Variants in LRRC7 observed in about 807,000 individuals in gnomAD.
The protein encoded by LRRC7 is leucine rich repeat containing 7, also known as leucine-rich repeat-containing protein 7.
In LRRC7, 23 loss-of-function variants were observed where a neutral mutation model predicts 175.7. That is an observed-to-expected ratio of 0.13 (90% CI 0.09 to 0.19). The LOEUF is 0.19. Among genes scored for constraint, LRRC7 ranks in the 10% least tolerant of loss-of-function variants. The pLI, the probability that LRRC7 is intolerant of heterozygous loss-of-function variation, is 1.00. For missense variants in LRRC7, 1,354 were observed against 1,904.7 expected (o/e 0.71, Z 5.38); for synonymous variants, 685 against 680.9 (o/e 1.01, Z -0.09).
intron 2 of LRRC7, among the ~76,000 whole-genome samples, chr1:69,736,226 A>G (rs1260347381): frequency 6.6e-6 from 1 of 152,152 alleles, no homozygotes; most frequent in Non-Finnish European, 1.5e-5. Flanking sequence ...TTGAATTCTC[A>G]TAAGATTTGA....
intron 11 of LRRC7, among the ~76,000 whole-genome samples, chr1:70,002,336 G>T (rs139853811): frequency 8.5e-5 from 13 of 152,280 alleles, no homozygotes; most frequent in African/African-American, 2.6e-4. Context: ...GAGATGTGAA[G>T]TGACTTGCCA....
chr1:69,858,207 A>C (rs959562824), intron 7 of LRRC7, among the ~76,000 whole-genome samples: 3 of 152,204 alleles, frequency 2.0e-5, no homozygotes, highest in Non-Finnish European at 4.4e-5. Context: ...ATGGGCAAGG[A>C]CTTCATGTCT....
intron 2 of LRRC7, among the ~76,000 whole-genome samples, chr1:69,691,797 C>CAAAAAA (rs57676937): frequency 6.1e-4 from 52 of 85,168 alleles, no homozygotes; most frequent in East Asian, 7.5e-4. Context: ...GACCCTGTCT[C>CAAAAAA]AAAAAAAAAA....
At chr1:69,863,065 TA>T (rs1346385751) in intron 7 of LRRC7, among the ~76,000 whole-genome samples, 1 of 152,170 alleles carries the variant, frequency 6.6e-6, no homozygotes, top group African/African-American at 2.4e-5. Flanking sequence ...TTAATAGAAA[TA>T]ACATTTTTTA....
chr1:69,663,967 C>T (rs1448758736), intron 1 of LRRC7, among the ~76,000 whole-genome samples: 10 of 151,346 alleles, frequency 6.6e-5, no homozygotes, highest in Admixed American at 3.3e-4. Flanking sequence ...ATGATCCACC[C>T]GCCTCGGCCT....
At chr1:70,108,532 G>T (rs1326840388) in intron 26 of LRRC7, among the ~76,000 whole-genome samples, 1 of 151,992 alleles carries the variant, frequency 6.6e-6, no homozygotes, top group Non-Finnish European at 1.5e-5. Flanking sequence ...TATATAAGAG[G>T]TGCATAATCA....
At chr1:69,802,794 C>A (rs1676670398) in intron 4 of LRRC7, among the ~76,000 whole-genome samples, 1 of 151,228 alleles carries the variant, frequency 6.6e-6, no homozygotes, top group African/African-American at 2.4e-5. Flanking sequence ...TTGTTTCTCT[C>A]AATGTAGTAA....
chr1:69,883,423 T>A (rs953091033), intron 7 of LRRC7, among the ~76,000 whole-genome samples: 1 of 115,572 alleles, frequency 8.7e-6, no homozygotes, highest in African/African-American at 3.3e-5. Context: ...TTTTGAGAAG[T>A]GTCTGTTCAT....
chr1:69,795,083 C>A (rs1053962028), intron 4 of LRRC7, among the ~76,000 whole-genome samples: 4 of 152,072 alleles, frequency 2.6e-5, no homozygotes, highest in Admixed American at 6.5e-5. Context: ...GAAAGCCATA[C>A]CTAAGAAAGC....
At chr1:70,064,786 A>T (rs188622770) in intron 23 of LRRC7, among the ~76,000 whole-genome samples, 8 of 151,996 alleles carry the variant, frequency 5.3e-5, no homozygotes, top group Non-Finnish European at 8.8e-5. Flanking sequence ...AGATTTTGAA[A>T]TGCATCTGTT....
intron 25 of LRRC7, among the ~76,000 whole-genome samples, chr1:70,098,419 G>A (rs1664568435): frequency 6.7e-6 from 1 of 149,356 alleles, no homozygotes; most frequent in Non-Finnish European, 1.5e-5. Flanking sequence ...AACTAGAAAA[G>A]CAAGAGCAAA....
At chr1:69,953,422 G>A (rs1650156824) in intron 8 of LRRC7, among the ~76,000 whole-genome samples, 2 of 151,874 alleles carry the variant, frequency 1.3e-5, no homozygotes, top group African/African-American at 4.8e-5. Flanking sequence ...GATCTGTACT[G>A]CACCCATTAT....
In LRRC7 at chr1:70,137,175, A is replaced by G. The variant is rs965217703; in HGVS notation, c.*15288A>G. Among the ~76,000 whole-genome samples, 1 of 152,214 alleles carries G rather than the reference A, an allele frequency of 6.6e-6. No individual in the cohort carries two copies. Among genetic ancestry groups the G allele is most frequent in the Non-Finnish European group, 1.5e-5 (1 of 68,040 alleles). ...ACTGCAGTATCATCCTGAATAAATCATATCACGGAGAGATAGTCACAGGTT... is the reference window on the plus strand; with the variant it reads ...ACTGCAGTATCATCCTGAATAAATCGTATCACGGAGAGATAGTCACAGGTT... On this transcript the variant is annotated 3_prime_UTR_variant, in exon 27 of 27. Coordinates refer to ENST00000651989, the MANE Select transcript of LRRC7 (RefSeq NM_001370785.2).
chr1:69,868,460 G>A lies in LRRC7; in HGVS notation c.647+30177G>A, dbSNP rs76899172. On this transcript the variant is annotated intron_variant, in intron 7 of 26. Transcript: ENST00000651989. ...GAGTCTAAAGAACTGATAGAGTTGAGTCAGATGAAGAGAGCGGTGTTAGCA... is the reference window on the plus strand; with the variant it reads ...GAGTCTAAAGAACTGATAGAGTTGAATCAGATGAAGAGAGCGGTGTTAGCA... Among the ~76,000 whole-genome samples, 1,220 of 152,228 alleles carry A rather than the reference G, an allele frequency of 8.0e-3. 16 individuals are homozygous for A. Among genetic ancestry groups the A allele is most frequent in the African/African-American group, 0.028 (1,163 of 41,528 alleles).
At chr1:69,715,137 T>C (rs1665201881) in intron 2 of LRRC7, among the ~76,000 whole-genome samples, 4 of 152,146 alleles carry the variant, frequency 2.6e-5, no homozygotes, top group South Asian at 4.1e-4. Flanking sequence ...GCCTTTTGAT[T>C]TCCTTTTTTA....
intron 24 of LRRC7, among the ~76,000 whole-genome samples, chr1:70,086,260 A>G (rs1302551322): frequency 2.0e-5 from 3 of 152,100 alleles, no homozygotes; most frequent in Non-Finnish European, 4.4e-5. Flanking sequence ...AGTGTCTAGG[A>G]CTACAGGTGT....
At chr1:69,969,087 G>C (rs1398274696) in intron 8 of LRRC7, among the ~76,000 whole-genome samples, 2 of 151,888 alleles carry the variant, frequency 1.3e-5, no homozygotes, top group Admixed American at 1.3e-4. Context: ...CAAAGTGCTG[G>C]GATTACAGAT....
At chr1:69,780,233 G>T (rs550132513) in intron 3 of LRRC7, among the ~76,000 whole-genome samples, 1 of 152,112 alleles carries the variant, frequency 6.6e-6, no homozygotes, top group Non-Finnish European at 1.5e-5. Context: ...ACAATTCCAC[G>T]TATTTAAATT....
intron 3 of LRRC7, among the ~76,000 whole-genome samples, chr1:69,763,395 T>C (rs1671253193): frequency 6.6e-6 from 1 of 152,098 alleles, no homozygotes; most frequent in Non-Finnish European, 1.5e-5. Context: ...AAAATATGTC[T>C]CCCCTAAAAT....
Sources: gnomAD v4.1 joint callset for allele counts (sites outside exome capture counted in the v4.1 genomes callset) on GRCh38, gnomAD v4.1.1 for gene constraint, MANE v1.5 for transcripts, NCBI Gene and HGNC (gene_info 2026-07-23, HGNC 2026-07-21) for gene names.